The following PI15 variants were observed in gnomAD, a reference collection of about 807,000 sequenced individuals.
PI15 encodes the protein peptidase inhibitor 15.
In PI15, 18 loss-of-function variants were observed where a neutral mutation model predicts 31.0. The ratio of observed to expected loss-of-function variants is 0.58; its 90% CI spans 0.40 to 0.86. The LOEUF is 0.86. Ranked by LOEUF, PI15 falls within the 40% of genes least tolerant of loss-of-function variation. The pLI, the probability that PI15 is intolerant of heterozygous loss-of-function variation, is 0.00. For synonymous variants in PI15, 118 were observed against 119.1 expected, an observed-to-expected ratio of 0.99 and a Z score of 0.06; for missense variants, 282 against 328.1, an observed-to-expected ratio of 0.86 and a Z score of 1.09.
intron 2 of PI15, among the ~76,000 whole-genome samples, chr8:74,827,558 C>T (rs1810717209): frequency 6.6e-6 from 1 of 152,050 alleles, no homozygotes. Flanking sequence ...TCACTGAGAC[C>T]CACAGATGTC....
At chr8:74,846,609 G>A (rs1811030789) in intron 5 of PI15, among the ~76,000 whole-genome samples, 1 of 151,970 alleles carries the variant, frequency 6.6e-6, no homozygotes, top group Non-Finnish European at 1.5e-5. Flanking sequence ...TGCTTTACAG[G>A]TCCAAGAGAT....
chr8:74,854,814 T>C lies in PI15; in HGVS notation c.*5561T>C, dbSNP rs1483045531. The C allele has an allele frequency of 6.6e-6, 1 of 152,172 alleles. No individual in the cohort carries two copies. The highest frequency in any genetic ancestry group is 1.5e-5 in the Non-Finnish European group (1 of 68,012). 9.4% of individuals were successfully genotyped at this position (152,172 alleles called of 1,614,324 possible). A position where few individuals can be genotyped will look rare whatever the true frequency, so the allele number is the denominator to read the frequency against. On this transcript the variant is annotated 3_prime_UTR_variant, in exon 6 of 6. Coordinates refer to ENST00000260113, the MANE Select transcript of PI15 (RefSeq NM_015886.5). ...ATTTATATAATCCTCAAATATACTG[T>C]ACCATTTTAGATATTTTTTAAACAG...
At chr8:74,825,862 T>TA (rs564091053) in intron 2 of PI15, among the ~76,000 whole-genome samples, 61 of 152,190 alleles carry the variant, frequency 4.0e-4, no homozygotes, top group Non-Finnish European at 6.9e-4. Context: ...AGGTCCACTT[T>TA]AAAAAAAGTC....
At chr8:74,829,553 A>G (rs1810750181) in intron 2 of PI15, among the ~76,000 whole-genome samples, 1 of 152,166 alleles carries the variant, frequency 6.6e-6, no homozygotes, top group South Asian at 2.1e-4. Context: ...AATTTAAGTC[A>G]ATTGAATAAA....
intron 2 of PI15, chr8:74,826,365 G>A: frequency 2.7e-6 from 2 of 743,634 alleles, no homozygotes; most frequent in Non-Finnish European, 3.3e-6. Flanking sequence ...TTGGGGTGAG[G>A]GGAGGGGGTA....
rs1342970575 is a variant in PI15, at chr8:74,852,417, T to C, written c.*3164T>C. ...TTCTGGTTATGACAGATAAGTTTGC[T>C]CAAAAAATGTGGATGAAGCCATTAT... On this transcript the variant is annotated 3_prime_UTR_variant, in exon 6 of 6. Transcript: ENST00000260113. 1.3e-5 allele frequency: 2 copies of C among 152,110 alleles called. No homozygotes were observed. The highest frequency in any genetic ancestry group is 2.4e-5 in the African/African-American group (1 of 41,440). 9.4% of individuals were successfully genotyped at this position (152,110 alleles called of 1,614,324 possible). A position where few individuals can be genotyped will look rare whatever the true frequency, so the allele number is the denominator to read the frequency against.
Position 74,825,523 on chromosome 8 carries a change from G to GTCC in PI15, c.273+2_273+3insCCT. 1.3e-6 allele frequency: 2 copies of GTCC among 1,583,000 alleles called. No individual in the cohort carries two copies. The highest frequency in any genetic ancestry group is 1.7e-6 in the Non-Finnish European group (2 of 1,161,846). On this transcript the variant is annotated splice_donor_variant, in intron 2 of 5. Coordinates refer to ENST00000260113, the MANE Select transcript of PI15 (RefSeq NM_015886.5). LOFTEE classifies it high-confidence loss of function. ...ACCGGCAGCAAATATGGAATATATG[G>GTCC]TAAGAAGAATTCTTTTTTTTTTTTT...
At chr8:74,848,270 C>T (rs1034422839) in intron 5 of PI15, among the ~76,000 whole-genome samples, 6 of 152,098 alleles carry the variant, frequency 3.9e-5, no homozygotes, top group African/African-American at 7.2e-5. Context: ...TCCTGAGAGA[C>T]ATTACTCTCT....
At chr8:74,844,349 A>C (rs1250976743) in intron 3 of PI15, among the ~76,000 whole-genome samples, 1 of 151,916 alleles carries the variant, frequency 6.6e-6, no homozygotes, top group Non-Finnish European at 1.5e-5. Flanking sequence ...TTGAGCTCGC[A>C]GAATCTTAGA....
chr8:74,835,469 T>C (rs185094676), intron 2 of PI15, among the ~76,000 whole-genome samples: 1 of 152,284 alleles, frequency 6.6e-6, no homozygotes, highest in Non-Finnish European at 1.5e-5. Flanking sequence ...TGGTTCAGGA[T>C]TCCAAACCAA....
chr8:74,825,323 T>A lies in PI15; in HGVS notation c.74T>A (p.Leu25His). The stretch of plus-strand genomic sequence containing the variant: ...TGTGAAGCAAGTACCGTCGTCCTAC[T>A]CAATTCCACTGACTCATCCCCGCCA... ...LLCEASTVVL[L>H]NSTDSSPPTN... Residue 25 changes from leucine (L) to histidine (H), a missense_variant, in exon 2 of 6, where the codon CTC becomes CAC. Coordinates refer to ENST00000260113, the MANE Select transcript of PI15 (RefSeq NM_015886.5). 1 of 1,613,334 alleles carries A rather than the reference T, an allele frequency of 6.2e-7. No individual in the cohort carries two copies. Among genetic ancestry groups the A allele is most frequent in the Non-Finnish European group, 8.5e-7 (1 of 1,179,436 alleles).
At chr8:74,835,537 A>AT (rs1810850307) in intron 2 of PI15, among the ~76,000 whole-genome samples, 1 of 152,220 alleles carries the variant, frequency 6.6e-6, no homozygotes, top group Non-Finnish European at 1.5e-5. Flanking sequence ...TACTGAAAGA[A>AT]TTAATAGGTT....
chr8:74,847,742 C>T (rs1392205776), intron 5 of PI15, among the ~76,000 whole-genome samples: 3 of 152,094 alleles, frequency 2.0e-5, no homozygotes, highest in Non-Finnish European at 4.4e-5. Context: ...GAATTTTTAA[C>T]TGAATGGTTG....
At chr8:74,832,521 C>A (rs1434589471) in intron 2 of PI15, among the ~76,000 whole-genome samples, 5 of 151,762 alleles carry the variant, frequency 3.3e-5, no homozygotes, top group Non-Finnish European at 7.4e-5. Context: ...AAGAAAATAC[C>A]CCCCTCTGTT....
At chr8:74,831,497 G>C (rs1259072789) in intron 2 of PI15, among the ~76,000 whole-genome samples, 1 of 152,060 alleles carries the variant, frequency 6.6e-6, no homozygotes, top group Non-Finnish European at 1.5e-5. Context: ...TGGTGCTCTG[G>C]GGGGCAAGAG....
chr8:74,837,397 G>A (rs113856388), intron 2 of PI15, among the ~76,000 whole-genome samples: 10 of 151,952 alleles, frequency 6.6e-5, no homozygotes, highest in South Asian at 2.1e-4. Context: ...AAGGCTCAGT[G>A]CTGCCCTCCT....
intron 5 of PI15, among the ~76,000 whole-genome samples, chr8:74,848,408 A>C (rs1196557774): frequency 1.3e-5 from 2 of 152,070 alleles, no homozygotes; most frequent in African/African-American, 2.4e-5. Context: ...ATGATAACTT[A>C]TATTTTGTGT....
intron 1 of PI15, 75 bp from the exon 2 acceptor site, chr8:74,825,135 T>G (rs1810672769): frequency 1.2e-6 from 1 of 828,914 alleles, no homozygotes; most frequent in Non-Finnish European, 1.9e-6. Flanking sequence ...TGCTCCCAAA[T>G]GATGTCTTTG....
chr8:74,845,364 A>G lies in PI15; in HGVS notation c.526-18A>G. On this transcript the variant is annotated intron_variant, in intron 4 of 5. Transcript: ENST00000260113. Reference sequence around the variant, plus strand: ...TTAGCTCTGACTTCTGTAACAGTTTATTGGTTTATTTTCACAGATGGTTTG... The same window carrying G: ...TTAGCTCTGACTTCTGTAACAGTTTGTTGGTTTATTTTCACAGATGGTTTG... The G allele has an allele frequency of 2.5e-6, 4 of 1,600,358 alleles. No homozygotes were observed. The highest frequency in any genetic ancestry group is 3.4e-6 in the Non-Finnish European group (4 of 1,167,616).
Sources: gnomAD v4.1 joint callset for allele counts (sites outside exome capture counted in the v4.1 genomes callset) on GRCh38, gnomAD v4.1.1 for gene constraint, MANE v1.5 for transcripts, NCBI Gene and HGNC (gene_info 2026-07-23, HGNC 2026-07-21) for gene names.